The following BRINP1 variants were observed in gnomAD, a reference collection of about 807,000 sequenced individuals.
The protein encoded by BRINP1 is BMP/retinoic acid inducible neural specific 1.
BRINP1 carries 17 observed loss-of-function variants against 72.9 expected under a neutral mutation model. That is an observed-to-expected ratio of 0.23 (90% CI 0.16 to 0.35). The LOEUF (loss-of-function observed/expected upper bound fraction) is 0.35, where lower values mean the gene tolerates loss of function less well. BRINP1 is among the 10% of genes least tolerant of loss of function. The probability of loss-of-function intolerance (pLI) is 1.00; values close to 1 mark genes in which losing one functional copy is unlikely to be tolerated. For synonymous variants in BRINP1, 418 were observed against 378.5 expected, an observed-to-expected ratio of 1.10 and a Z score of -1.21; for missense variants, 850 against 1,001.6, an observed-to-expected ratio of 0.85 and a Z score of 2.04.
At chr9:119,191,557 C>T (rs1028195220) in intron 7 of BRINP1, among the ~76,000 whole-genome samples, 7 of 151,574 alleles carry the variant, frequency 4.6e-5, no homozygotes, top group Admixed American at 1.3e-4. Context: ...ATAAATTTGA[C>T]CAAGGAAGTT....
At chr9:119,279,351 G>T (rs1241077732) in intron 2 of BRINP1, among the ~76,000 whole-genome samples, 1 of 152,130 alleles carries the variant, frequency 6.6e-6, no homozygotes, top group African/African-American at 2.4e-5. Context: ...ATTTCGCCAG[G>T]GCACCTGCCC....
At chr9:119,169,679 G>A (rs1190027973) in intron 7 of BRINP1, among the ~76,000 whole-genome samples, 2 of 152,216 alleles carry the variant, frequency 1.3e-5, no homozygotes, top group Non-Finnish European at 2.9e-5. Flanking sequence ...CTGGGGGCAG[G>A]GCACAGACAA....
chr9:119,195,872 T>C (rs1224115302), intron 7 of BRINP1, among the ~76,000 whole-genome samples: 1 of 152,252 alleles, frequency 6.6e-6, no homozygotes, highest in Non-Finnish European at 1.5e-5. Context: ...CTTCTTAATC[T>C]GGTGTAAACC....
In BRINP1 at chr9:119,208,847, C is replaced by T. The variant is rs12378280; in HGVS notation, c.1017G>A (p.Gln339=). 2 of 1,614,128 alleles carry T rather than the reference C, an allele frequency of 1.2e-6. No individual in the cohort carries two copies. The highest frequency in any genetic ancestry group is 1.7e-6 in the Non-Finnish European group (2 of 1,180,030). ...CACTCTGCAGGAGCTTGTAGCGGTTCTGCAGGTCCCAGTCATTGCCCCAGT... is the reference window on the plus strand; with the variant it reads ...CACTCTGCAGGAGCTTGTAGCGGTTTTGCAGGTCCCAGTCATTGCCCCAGT... The part of the protein sequence containing the change: ...HQHWGNDWDL[Q]NRYKLLQSAT... Residue 339 remains glutamine (Q), a synonymous_variant, in exon 7 of 8, where the codon CAG becomes CAA. Transcript: ENST00000265922.
At chr9:119,353,488 G>A (rs562737677) in intron 1 of BRINP1, among the ~76,000 whole-genome samples, 2 of 152,334 alleles carry the variant, frequency 1.3e-5, no homozygotes, top group East Asian at 3.9e-4. Context: ...GCCAGTGTTA[G>A]AGTGAAACTC....
chr9:119,195,046 C>T (rs761847759), intron 7 of BRINP1, among the ~76,000 whole-genome samples: 2 of 152,124 alleles, frequency 1.3e-5, no homozygotes, highest in Non-Finnish European at 1.5e-5. Flanking sequence ...CTTTCAGGTA[C>T]AAAATTTTAT....
intron 2 of BRINP1, among the ~76,000 whole-genome samples, chr9:119,285,896 A>T (rs1830756375): frequency 6.6e-6 from 1 of 152,142 alleles, no homozygotes; most frequent in Non-Finnish European, 1.5e-5. Context: ...GGAAACTGAG[A>T]TCCAACTTAT....
In BRINP1 at chr9:119,368,953, G is replaced by A; in HGVS notation, c.-51+103C>T. 2.6e-6 allele frequency: 1 copy of A among 386,640 alleles called. No individual in the cohort carries two copies. The highest frequency in any genetic ancestry group is 2.1e-5 in the African/African-American group (1 of 48,398). 24.0% of individuals were successfully genotyped at this position (386,640 alleles called of 1,614,324 possible). A position where few individuals can be genotyped will look rare whatever the true frequency, so the allele number is the denominator to read the frequency against. On this transcript the variant is annotated intron_variant, in intron 1 of 7. Coordinates refer to ENST00000265922, the MANE Select transcript of BRINP1 (RefSeq NM_014618.3). This position sits in a 1 kb window ranked among gnomAD's most constrained non-coding sequence, Gnocchi z 4.7. ...CAGGTGAAGAGCGGACAAGGGTGCC[G>A]GTAGGGGGAGGGGCAGAGGAGCGCG...
chr9:119,308,554 T>A (rs1831023499), intron 2 of BRINP1, among the ~76,000 whole-genome samples: 4 of 152,176 alleles, frequency 2.6e-5, no homozygotes. Flanking sequence ...CATTCATCCA[T>A]CCCCAGCACC....
intron 7 of BRINP1, among the ~76,000 whole-genome samples, chr9:119,180,681 C>T (rs975169980): frequency 3.3e-5 from 5 of 152,150 alleles, no homozygotes; most frequent in African/African-American, 1.2e-4. Flanking sequence ...AAATATTTAG[C>T]TTTTAATCAT....
chr9:119,282,494 GAGA>G (rs1396179096), intron 2 of BRINP1, among the ~76,000 whole-genome samples: 3 of 152,140 alleles, frequency 2.0e-5, no homozygotes, highest in Non-Finnish European at 2.9e-5. Context: ...AGAACTGAAC[GAGA>G]AGAAGGACAG....
At chr9:119,216,236 G>T (rs1182821695) in intron 5 of BRINP1, among the ~76,000 whole-genome samples, 2 of 152,186 alleles carry the variant, frequency 1.3e-5, no homozygotes, top group African/African-American at 4.8e-5. Flanking sequence ...AAGCAGGAGG[G>T]TTTAGAATTC....
chr9:119,201,397 A>G (rs995130759), intron 7 of BRINP1, among the ~76,000 whole-genome samples: 7 of 152,242 alleles, frequency 4.6e-5, no homozygotes, highest in Non-Finnish European at 1.0e-4. Context: ...GAAGGACCTC[A>G]GAGATAATTG....
chr9:119,345,741 C>T (rs978841764), intron 1 of BRINP1, among the ~76,000 whole-genome samples: 3 of 152,170 alleles, frequency 2.0e-5, no homozygotes, highest in Non-Finnish European at 2.9e-5. Flanking sequence ...ACCAAATCAA[C>T]GTGGACTCCC....
intron 5 of BRINP1, among the ~76,000 whole-genome samples, chr9:119,230,348 G>A (rs1380528035): frequency 3.9e-5 from 6 of 152,042 alleles, no homozygotes; most frequent in Non-Finnish European, 7.4e-5. Flanking sequence ...GGAGGGAAGC[G>A]AGAATCTGAT....
intron 7 of BRINP1, among the ~76,000 whole-genome samples, chr9:119,183,921 A>G (rs1829584414): frequency 6.6e-6 from 1 of 152,144 alleles, no homozygotes; most frequent in Non-Finnish European, 1.5e-5. Context: ...GTTTGTTGGC[A>G]GGACGTGGAG....
chr9:119,268,255 GA>G (rs1830572022), intron 2 of BRINP1, among the ~76,000 whole-genome samples: 1 of 95,716 alleles, frequency 1.0e-5, no homozygotes, highest in African/African-American at 3.9e-5. Context: ...TAAATAGATA[GA>G]TAGATAGATA....
chr9:119,275,788 G>T (rs986569962), intron 2 of BRINP1, among the ~76,000 whole-genome samples: 14 of 152,122 alleles, frequency 9.2e-5, no homozygotes, highest in African/African-American at 3.1e-4. Context: ...TCTACTAATG[G>T]CTCATATGGT....
rs914715788 is a variant in BRINP1, at chr9:119,249,088, G to A, written c.281C>T (p.Pro94Leu). Reference protein sequence around the residue: ...AIERRDLVRHPVPLMPEFQRS... With the variant: ...AIERRDLVRHLVPLMPEFQRS... Reference sequence around the variant, plus strand: ...TTGAAACTCCGGCATGAGGGGCACTGGATGGCGGACCAGATCTCTCCTCTC... The same window carrying A: ...TTGAAACTCCGGCATGAGGGGCACTAGATGGCGGACCAGATCTCTCCTCTC... Residue 94 changes from proline (P) to leucine (L), a missense_variant, in exon 3 of 8, where the codon CCA becomes CTA. Pro to Leu is a moderately conservative substitution (Grantham distance 98). Transcript: ENST00000265922. 1 of 1,613,980 alleles carries A rather than the reference G, an allele frequency of 6.2e-7. No individual in the cohort carries two copies. Among genetic ancestry groups the A allele is most frequent in the Non-Finnish European group, 8.5e-7 (1 of 1,180,026 alleles).
Sources: allele counts gnomAD v4.1 joint callset (sites outside exome capture counted in the v4.1 genomes callset), GRCh38; gene constraint gnomAD v4.1.1; non-coding constraint Gnocchi (gnomAD v3.1); transcripts MANE v1.5; gene names NCBI Gene and HGNC (gene_info 2026-07-23, HGNC 2026-07-21).